Variants in CDC37L1 observed in about 807,000 individuals in gnomAD.
CDC37L1 encodes the protein cell division cycle 37 like 1, HSP90 cochaperone.
In CDC37L1, 32 loss-of-function variants were observed where a neutral mutation model predicts 45.9. The ratio of observed to expected loss-of-function variants is 0.70; its 90% CI spans 0.53 to 0.94. The LOEUF (loss-of-function observed/expected upper bound fraction) is 0.94, where lower values mean the gene tolerates loss of function less well. CDC37L1 is among the 40% of genes least tolerant of loss of function. CDC37L1 has a pLI of 0.00. For missense variants in CDC37L1, 434 were observed against 405.7 expected, an observed-to-expected ratio of 1.07 and a Z score of -0.60; for synonymous variants, 150 against 133.0, an observed-to-expected ratio of 1.13 and a Z score of -0.88.
At chr9:4,688,802 AC>A (rs1282529784) in intron 3 of CDC37L1, among the ~76,000 whole-genome samples, 196 bp downstream of exon 3, 1 of 152,042 alleles carries the variant, frequency 6.6e-6, no homozygotes, top group Non-Finnish European at 1.5e-5. Context: ...GACAGAGCAA[AC>A]CAAATGGTAA....
Position 4,685,173 on chromosome 9 carries a change from T to C in CDC37L1, c.414+15T>C. The C allele has an allele frequency of 8.1e-6, 13 of 1,596,750 alleles. No homozygotes were observed. The highest frequency in any genetic ancestry group is 1.1e-5 in the Non-Finnish European group (13 of 1,166,412). On this transcript the variant is annotated intron_variant, in intron 2 of 6. Transcript: ENST00000381854. ...TTTTTAATAAGGTATGAGCTTTTAC[T>C]GGGCCATAATGAAAGAAGAAAAACT...
intron 5 of CDC37L1, among the ~76,000 whole-genome samples, chr9:4,698,084 A>G (rs3900727): frequency 0.32 from 48,238 of 152,012 alleles, 8,514 homozygotes; most frequent in African/African-American, 0.48. Flanking sequence ...TACAGCATGT[A>G]TATGAAATTG....
At position 4,688,503 on chromosome 9, in the gene CDC37L1, T is replaced by G. The variant is rs757217102; in HGVS notation, c.415-10T>G. 7.4e-7 allele frequency: 1 copy of G among 1,347,172 alleles called. No homozygotes were observed. Among genetic ancestry groups the G allele is most frequent in the Non-Finnish European group, 1.0e-6 (1 of 990,174 alleles). The allele number at this position is 1,347,172 out of a possible 1,614,324, so 83.5% of individuals were successfully genotyped here. A position where few individuals can be genotyped will look rare whatever the true frequency, so the allele number is the denominator to read the frequency against. On this transcript the variant is annotated splice_polypyrimidine_tract_variant and intron_variant, in intron 2 of 6. Transcript: ENST00000381854. ...AAAATCTGATTTAAATTTCTAAAAT[T>G]TTTTCTTAGAGTTTTATTAATCAAG... is the stretch of plus-strand genomic sequence containing the variant.
At chr9:4,693,048 A>G (rs1841315687) in intron 3 of CDC37L1, among the ~76,000 whole-genome samples, 1 of 152,182 alleles carries the variant, frequency 6.6e-6, no homozygotes, top group Admixed American at 6.5e-5. Flanking sequence ...GTTTAGGAAT[A>G]TGGGAAATGA....
At chr9:4,683,699 A>C (rs1841219552) in intron 1 of CDC37L1, among the ~76,000 whole-genome samples, 1 of 152,118 alleles carries the variant, frequency 6.6e-6, no homozygotes, top group African/African-American at 2.4e-5. Flanking sequence ...TGGAGTGGAG[A>C]ACGGCTTGGG....
At chr9:4,690,863 T>C (rs1480859849) in intron 3 of CDC37L1, among the ~76,000 whole-genome samples, 2 of 152,246 alleles carry the variant, frequency 1.3e-5, no homozygotes, top group Admixed American at 1.3e-4. Context: ...AAAATGTTCA[T>C]GTGTTTTATT....
chr9:4,680,113 C>T (rs1269246535), intron 1 of CDC37L1, among the ~76,000 whole-genome samples: 5 of 152,212 alleles, frequency 3.3e-5, no homozygotes, highest in Non-Finnish European at 5.9e-5. Flanking sequence ...CAACCTCCAC[C>T]TCCACGCACA....
chr9:4,688,757 ATTTT>A, intron 3 of CDC37L1, 151 bp downstream of exon 3: 2 of 379,792 alleles, frequency 5.3e-6, no homozygotes, highest in East Asian at 5.3e-5. Context: ...TTGTTTTAGA[ATTTT>A]TTTTTTTTTT....
intron 2 of CDC37L1, 190 bp downstream of exon 2, chr9:4,685,348 C>G: frequency 2.0e-6 from 1 of 510,824 alleles, no homozygotes; most frequent in South Asian, 2.8e-5. Flanking sequence ...GCTGCAGACT[C>G]CAGGCAGTTA....
chr9:4,682,720 GC>G (rs1841207070), intron 1 of CDC37L1, among the ~76,000 whole-genome samples: 1 of 151,866 alleles, frequency 6.6e-6, no homozygotes, highest in African/African-American at 2.4e-5. Flanking sequence ...TAATCCGCCC[GC>G]CTCAGCCTCC....
intron 1 of CDC37L1, among the ~76,000 whole-genome samples, chr9:4,684,140 TG>T (rs1472406674): frequency 1.3e-5 from 2 of 152,032 alleles, no homozygotes; most frequent in Non-Finnish European, 2.9e-5. Flanking sequence ...AAAAATTAGC[TG>T]GGCATGGTGG....
chr9:4,680,353 A>C (rs1232472677), intron 1 of CDC37L1, among the ~76,000 whole-genome samples: 3 of 152,250 alleles, frequency 2.0e-5, no homozygotes, highest in African/African-American at 7.2e-5. Flanking sequence ...GAGTCCTGAC[A>C]AAGATTTCAC....
chr9:4,685,086 A>G lies in CDC37L1; in HGVS notation c.342A>G (p.Glu114=), dbSNP rs765043179. ...RQREEEWRQK[E]EALVQREKMC... ...GGGAAGAAGAGTGGCGACAGAAAGA[A>G]GAAGCTCTAGTACAAAGAGAGAAGA... Residue 114 remains glutamate, a synonymous_variant, in exon 2 of 7, where the codon GAA becomes GAG. Transcript: ENST00000381854. The G allele has an allele frequency of 1.9e-6, 3 of 1,613,878 alleles. No individual in the cohort carries two copies. In the South Asian group the frequency reaches 3.3e-5, roughly 18 times the overall value.
intron 2 of CDC37L1, among the ~76,000 whole-genome samples, chr9:4,687,678 C>CAAAAAA (rs59932144): frequency 1.4e-4 from 8 of 58,376 alleles, no homozygotes; most frequent in African/African-American, 3.6e-4. Flanking sequence ...GACCCCATCT[C>CAAAAAA]AAAAAAAAAA....
chr9:4,680,018 G>T (rs1230417245), intron 1 of CDC37L1, 119 bp downstream of exon 1: 2 of 1,316,728 alleles, frequency 1.5e-6, no homozygotes, highest in African/African-American at 1.5e-5. Flanking sequence ...ACTGCCAGGG[G>T]CCGGGGACCT....
At chr9:4,700,263 C>T (rs1340599283) in intron 5 of CDC37L1, among the ~76,000 whole-genome samples, 1 of 152,198 alleles carries the variant, frequency 6.6e-6, no homozygotes, top group Non-Finnish European at 1.5e-5. Context: ...TCAAGCAATC[C>T]TCCTGCCTCA....
Position 4,697,818 on chromosome 9 carries a change from T to C in CDC37L1, c.686T>C (p.Met229Thr). 2.5e-6 allele frequency: 4 copies of C among 1,609,846 alleles called. No individual in the cohort carries two copies. The highest frequency in any genetic ancestry group is 1.7e-5 in the Admixed American group (1 of 59,980). ...QAVVMQFIME[M>T]AKNCNVDPRG... ...GTTGTAATGCAGTTTATTATGGAAA[T>C]GGCCAAAAACTGTAATGTGGATCCA... The change falls in exon 5 of 7, where the codon ATG becomes ACG. Residue 229 changes from methionine to threonine, a missense_variant. Transcript: ENST00000381854.
intron 6 of CDC37L1, among the ~76,000 whole-genome samples, chr9:4,703,668 A>G (rs550818008): frequency 1.1e-3 from 162 of 152,334 alleles, no homozygotes; most frequent in African/African-American, 3.6e-3. Context: ...GATGTAACTG[A>G]TTCTAAATAT....
intron 5 of CDC37L1, among the ~76,000 whole-genome samples, chr9:4,701,650 T>A (rs1241455160): frequency 6.6e-6 from 1 of 152,186 alleles, no homozygotes. Flanking sequence ...CTTATTTTGC[T>A]GAAGCAGAAG....
Sources: allele counts gnomAD v4.1 joint callset (sites outside exome capture counted in the v4.1 genomes callset), GRCh38; gene constraint gnomAD v4.1.1; transcripts MANE v1.5; gene names NCBI Gene and HGNC (gene_info 2026-07-23, HGNC 2026-07-21).